SCLT1: variants seen among roughly 807,000 people sequenced by gnomAD.
SCLT1 encodes the protein sodium channel-associated protein 1.
In SCLT1, 78 loss-of-function variants were observed where a neutral mutation model predicts 112.8. The ratio of observed to expected loss-of-function variants is 0.69; its 90% CI spans 0.58 to 0.83. SCLT1 has a LOEUF of 0.83. Ranked by LOEUF, SCLT1 falls within the 40% of genes least tolerant of loss-of-function variation. SCLT1 has a pLI of 0.00. For synonymous variants in SCLT1, 257 were observed against 254.7 expected, an observed-to-expected ratio of 1.01 and a Z score of -0.09; for missense variants, 747 against 770.4, an observed-to-expected ratio of 0.97 and a Z score of 0.36.
intron 9 of SCLT1, among the ~76,000 whole-genome samples, chr4:128,985,686 G>A (rs1742028535): frequency 6.6e-6 from 1 of 152,088 alleles, no homozygotes; most frequent in Non-Finnish European, 1.5e-5. Context: ...ACATATACAA[G>A]TAAAGAAATC....
rs181245974 is a variant in SCLT1, at chr4:128,921,825, A to G, written c.1829+14830T>C. ...CCTAATTAAACTAAACAGCTTCTGCAGAGCAAAAGAAAATATCAACAGAGT... is the reference window on the plus strand; with the variant it reads ...CCTAATTAAACTAAACAGCTTCTGCGGAGCAAAAGAAAATATCAACAGAGT... On this transcript the variant is annotated intron_variant, in intron 18 of 20. Coordinates refer to ENST00000281142, the MANE Select transcript of SCLT1 (RefSeq NM_144643.4). Among the ~76,000 whole-genome samples, 26 of 152,350 alleles carry G rather than the reference A, an allele frequency of 1.7e-4. No homozygotes were observed. The East Asian group carries it at 5.0e-3, about 29-fold the overall frequency.
intron 5 of SCLT1, among the ~76,000 whole-genome samples, chr4:129,011,647 G>T (rs1366073602): frequency 6.6e-6 from 1 of 151,924 alleles, no homozygotes; most frequent in Admixed American, 6.6e-5. Context: ...GTAGAATTTG[G>T]CTGTGAACTT....
intron 14 of SCLT1, among the ~76,000 whole-genome samples, chr4:128,951,857 T>G (rs922995022): frequency 7.2e-5 from 11 of 152,178 alleles, no homozygotes; most frequent in East Asian, 1.9e-4. Flanking sequence ...TTCTATTACA[T>G]TTGGGACCAA....
rs758772950 is a variant in SCLT1, at chr4:128,888,808, C to A, written c.1909-34G>T. On this transcript the variant is annotated intron_variant, in intron 19 of 20. Coordinates refer to ENST00000281142, the MANE Select transcript of SCLT1 (RefSeq NM_144643.4). ...GGGAAATAGAAAACAAGTTAGAAATCCATATGTGACATGGAGATGTTTTGT... is the reference window on the plus strand; with the variant it reads ...GGGAAATAGAAAACAAGTTAGAAATACATATGTGACATGGAGATGTTTTGT... The A allele has an allele frequency of 2.3e-6, 3 of 1,289,504 alleles. No individual in the cohort carries two copies. The East Asian group carries it at 7.0e-5, about 30-fold the overall frequency. 79.9% of individuals were successfully genotyped at this position (1,289,504 alleles called of 1,614,324 possible). A position where few individuals can be genotyped will look rare whatever the true frequency, so the allele number is the denominator to read the frequency against.
chr4:128,935,248 G>A (rs910630854), intron 18 of SCLT1, among the ~76,000 whole-genome samples: 1 of 151,758 alleles, frequency 6.6e-6, no homozygotes, highest in African/African-American at 2.4e-5. Flanking sequence ...GTGGTGGAGG[G>A]TTGGTTAGAA....
chr4:129,025,942 A>G (rs1002507016), intron 5 of SCLT1, among the ~76,000 whole-genome samples: 10 of 152,164 alleles, frequency 6.6e-5, no homozygotes, highest in African/African-American at 2.2e-4. Context: ...AAAGATCAAA[A>G]GAGACAAAGA....
rs1464109597 is a variant in SCLT1 at position 128,993,982 on chromosome 4, C to T, written c.616-1745G>A. Among the ~76,000 whole-genome samples, 4 of 152,020 alleles carry T rather than the reference C, an allele frequency of 2.6e-5. No individual in the cohort carries two copies. In the East Asian group the frequency reaches 5.8e-4, roughly 22 times the overall value. Reference sequence around the variant, plus strand: ...GTCAGAGCATATCTATTGCATATTACTAATTTGCATTGGTAAAGAAAGATA... The same window carrying T: ...GTCAGAGCATATCTATTGCATATTATTAATTTGCATTGGTAAAGAAAGATA... On this transcript the variant is annotated intron_variant, in intron 8 of 20. Coordinates refer to ENST00000281142, the MANE Select transcript of SCLT1 (RefSeq NM_144643.4).
rs1011291938 is a variant in SCLT1 at position 129,034,211 on chromosome 4, T to C, written c.290+4830A>G. ...TTTGTAAATATATACATGAACTCCTTCCCAAATTTCAAATAGATAATAAAC... is the reference window on the plus strand; with the variant it reads ...TTTGTAAATATATACATGAACTCCTCCCCAAATTTCAAATAGATAATAAAC... On this transcript the variant is annotated intron_variant, in intron 5 of 20. Transcript: ENST00000281142. Among the ~76,000 whole-genome samples, 11 of 152,232 alleles carry C rather than the reference T, an allele frequency of 7.2e-5. No individual in the cohort carries two copies. The South Asian group carries it at 2.3e-3, about 32-fold the overall frequency.
intron 18 of SCLT1, among the ~76,000 whole-genome samples, chr4:128,919,353 C>G (rs1735706241): frequency 6.6e-6 from 1 of 151,986 alleles, no homozygotes; most frequent in Non-Finnish European, 1.5e-5. Flanking sequence ...AGGCAGAAAC[C>G]AATAAATTAT....
At chr4:128,977,958 TG>T (rs930262285) in intron 9 of SCLT1, among the ~76,000 whole-genome samples, 6 of 151,834 alleles carry the variant, frequency 4.0e-5, no homozygotes, top group South Asian at 4.2e-4. Flanking sequence ...CAAGAGATGG[TG>T]GGGTAGAGGT....
chr4:128,966,209 C>A (rs969167626), intron 10 of SCLT1, among the ~76,000 whole-genome samples: 2 of 151,196 alleles, frequency 1.3e-5, no homozygotes, highest in Non-Finnish European at 2.9e-5. Context: ...AAGTGATCCT[C>A]CTGTCTCAGC....
At chr4:128,901,529 T>TGGGG (rs5861871) in intron 18 of SCLT1, among the ~76,000 whole-genome samples, 1 of 133,552 alleles carries the variant, frequency 7.5e-6, no homozygotes, top group South Asian at 2.6e-4. Flanking sequence ...TGTGGGGTGG[T>TGGGG]GGGGGGGGGG....
At chr4:129,043,085 GA>G (rs1192621070) in intron 4 of SCLT1, among the ~76,000 whole-genome samples, 3 of 146,770 alleles carry the variant, frequency 2.0e-5, no homozygotes, top group Non-Finnish European at 4.5e-5. Flanking sequence ...AAAAAGAAAA[GA>G]AAAAAAAAAG....
intron 1 of SCLT1, among the ~76,000 whole-genome samples, chr4:129,087,868 T>C (rs1356125119): frequency 6.6e-6 from 1 of 150,560 alleles, no homozygotes; most frequent in Non-Finnish European, 1.5e-5. Flanking sequence ...AGAGGATCAC[T>C]TGAGCCCAGG....
chr4:128,959,542 C>T, intron 12 of SCLT1, 58 bp downstream of exon 12: 1 of 1,301,230 alleles, frequency 7.7e-7, no homozygotes. Flanking sequence ...ACTGTGAGGT[C>T]ACATGGGAGA....
At position 129,034,238 on chromosome 4, in the gene SCLT1, T is replaced by G. The variant is rs370548656; in HGVS notation, c.290+4803A>C. Reference sequence around the variant, plus strand: ...CCAAATTTCAAATAGATAATAAACATTTACTATACTGTATTCATAGGATAT... The same window carrying G: ...CCAAATTTCAAATAGATAATAAACAGTTACTATACTGTATTCATAGGATAT... On this transcript the variant is annotated intron_variant, in intron 5 of 20. Transcript: ENST00000281142. 2.0e-4 allele frequency among the ~76,000 whole-genome samples: 30 copies of G among 152,164 alleles called. No homozygotes were observed. The East Asian group carries it at 4.6e-3, about 23-fold the overall frequency.
At chr4:128,894,384 A>G (rs1039020031) in intron 18 of SCLT1, among the ~76,000 whole-genome samples, 2 of 87,288 alleles carry the variant, frequency 2.3e-5, no homozygotes, top group Non-Finnish European at 4.3e-5. Context: ...ACACACACAC[A>G]CACACACACA....
chr4:128,961,056 AATC>A (rs1368441465), intron 11 of SCLT1, among the ~76,000 whole-genome samples: 1 of 151,622 alleles, frequency 6.6e-6, no homozygotes, highest in Non-Finnish European at 1.5e-5. Context: ...CTATTTAGGG[AATC>A]TTCGCCACAC....
chr4:128,992,292 A>G (rs901625968), intron 8 of SCLT1, 55 bp from the exon 9 acceptor site: 1 of 1,101,748 alleles, frequency 9.1e-7, no homozygotes, highest in African/African-American at 1.6e-5. Context: ...CTGTATCTTT[A>G]AAGATGACAC....
Sources: allele counts gnomAD v4.1 joint callset (sites outside exome capture counted in the v4.1 genomes callset), GRCh38; gene constraint gnomAD v4.1.1; transcripts MANE v1.5; gene names NCBI Gene and HGNC (gene_info 2026-07-23, HGNC 2026-07-21).